The following FRY variants were observed in gnomAD, a reference collection of about 807,000 sequenced individuals.
FRY encodes protein furry homolog.
In FRY, 128 loss-of-function variants were observed where a neutral mutation model predicts 348.4. The observed-to-expected ratio is 0.37, with a 90% CI of 0.32 to 0.43. The LOEUF (loss-of-function observed/expected upper bound fraction) is 0.43, where lower values mean the gene tolerates loss of function less well. FRY is among the 20% of genes least tolerant of loss of function. FRY has a pLI of 1.00. For synonymous variants in FRY, 1,370 were observed against 1,374.7 expected, an observed-to-expected ratio of 1.00 and a Z score of 0.08; for missense variants, 2,736 against 3,695.2, an observed-to-expected ratio of 0.74 and a Z score of 6.73.
intron 7 of FRY, among the ~76,000 whole-genome samples, chr13:32,130,601 AGCTTT>A (rs1566087577): frequency 6.6e-6 from 1 of 151,828 alleles, no homozygotes; most frequent in Non-Finnish European, 1.5e-5. Context: ...GCTTTCTCTT[AGCTTT>A]AAGATCTGTT....
At chr13:32,082,076 CAGG>C (rs1488144663) in intron 2 of FRY, among the ~76,000 whole-genome samples, 1 of 152,100 alleles carries the variant, frequency 6.6e-6, no homozygotes, top group African/African-American at 2.4e-5. Context: ...GGGGACTACT[CAGG>C]AATCTGTATT....
Position 32,258,486 on chromosome 13 carries a change from G to A in FRY, c.7417-3130G>A, listed in dbSNP as rs143240039. 2.5e-3 allele frequency among the ~76,000 whole-genome samples: 380 copies of A among 152,080 alleles called. 11 individuals are homozygous for A. In the East Asian group the frequency reaches 0.051, roughly 20 times the overall value. On this transcript the variant is annotated intron_variant, in intron 51 of 60. Transcript: ENST00000542859. Reference sequence around the variant, plus strand: ...AAATTAGCCATGCCTGGAGGTGCACGCCTGTAATCCCAGCTACCTGGGAGG... The same window carrying A: ...AAATTAGCCATGCCTGGAGGTGCACACCTGTAATCCCAGCTACCTGGGAGG...
intron 1 of FRY, among the ~76,000 whole-genome samples, chr13:32,068,557 G>A (rs1874402229): frequency 1.3e-5 from 2 of 152,158 alleles, no homozygotes; most frequent in African/African-American, 2.4e-5. Flanking sequence ...CATTTATAAA[G>A]GAAATCACTG....
At chr13:32,124,577 G>A (rs1240144155) in intron 5 of FRY, 25 bp from the exon 6 acceptor site, 6 of 1,413,414 alleles carry the variant, frequency 4.2e-6, no homozygotes, top group Middle Eastern at 2.3e-4. Flanking sequence ...TCCCTTCTGA[G>A]TTAAGAACCA....
chr13:32,269,388 C>T (rs1368472303), intron 55 of FRY, among the ~76,000 whole-genome samples: 1 of 152,094 alleles, frequency 6.6e-6, no homozygotes, highest in Non-Finnish European at 1.5e-5. Context: ...TGCTTAGTAA[C>T]CCTTAAGAAT....
At chr13:32,213,713 T>C (rs1449436897) in intron 35 of FRY, among the ~76,000 whole-genome samples, 1 of 152,224 alleles carries the variant, frequency 6.6e-6, no homozygotes, top group African/African-American at 2.4e-5. Context: ...TTTGTCTGAG[T>C]TTCCTGTCTG....
At chr13:32,175,288 C>CT (rs1407885684) in intron 19 of FRY, among the ~76,000 whole-genome samples, 1 of 152,148 alleles carries the variant, frequency 6.6e-6, no homozygotes, top group Non-Finnish European at 1.5e-5. Flanking sequence ...ATGTATGAGT[C>CT]TGAAATTCAG....
rs1336821460 is a variant in FRY at position 32,202,658 on chromosome 13, T to TA, written c.4018+132dup. ...TTCTTTTTAAATTCTAGTTTAATTTTAGAGTTATGACCAGGCACGATGCCA... is the reference window on the plus strand; with the variant it reads ...TTCTTTTTAAATTCTAGTTTAATTTTAAGAGTTATGACCAGGCACGATGCCA... On this transcript the variant is annotated intron_variant, in intron 31 of 60. Coordinates refer to ENST00000542859, the MANE Select transcript of FRY (RefSeq NM_023037.3). 9.1e-6 allele frequency: 8 copies of TA among 877,730 alleles called. No homozygotes were observed. In the African/African-American group the frequency reaches 1.3e-4, roughly 15 times the overall value. The allele number at this position is 877,730 out of a possible 1,614,324, so 54.4% of individuals were successfully genotyped here.
In FRY at chr13:32,256,978, A is replaced by C. The variant is rs191255621; in HGVS notation, c.7416+2584A>C. ...GTCAAAACTTTGTTTCATGCACAAAATTATTTTAAAATTGTATAAAATTAT... is the reference window on the plus strand; with the variant it reads ...GTCAAAACTTTGTTTCATGCACAAACTTATTTTAAAATTGTATAAAATTAT... On this transcript the variant is annotated intron_variant, in intron 51 of 60. Transcript: ENST00000542859. Among the ~76,000 whole-genome samples the C allele has an allele frequency of 2.2e-3, 336 of 152,360 alleles. 1 individual carries two copies. The highest frequency in any genetic ancestry group is 7.6e-3 in the African/African-American group (318 of 41,580).
At chr13:32,115,321 C>G (rs972168298) in intron 3 of FRY, among the ~76,000 whole-genome samples, 1 of 152,152 alleles carries the variant, frequency 6.6e-6, no homozygotes, top group Non-Finnish European at 1.5e-5. Flanking sequence ...CTAAGGATTT[C>G]CATTTCTTCT....
At chr13:32,254,420 AT>A in intron 51 of FRY, 26 bp downstream of exon 51, 1 of 1,590,978 alleles carries the variant, frequency 6.3e-7, no homozygotes, top group Non-Finnish European at 8.6e-7. Context: ...TGTAAAAATA[AT>A]CCCCGCACCC....
chr13:32,215,405 ATT>A (rs1884933092), intron 35 of FRY, among the ~76,000 whole-genome samples: 1 of 152,198 alleles, frequency 6.6e-6, no homozygotes, highest in Non-Finnish European at 1.5e-5. Flanking sequence ...ATGTACATCT[ATT>A]GTGTATTAAT....
chr13:32,177,839 T>C (rs1882462024), intron 20 of FRY, among the ~76,000 whole-genome samples: 1 of 152,228 alleles, frequency 6.6e-6, no homozygotes. Context: ...ACTGAATCCA[T>C]GTTTCAGTTT....
chr13:32,142,911 G>A (rs1227579263), intron 11 of FRY, among the ~76,000 whole-genome samples: 1 of 152,228 alleles, frequency 6.6e-6, no homozygotes, highest in South Asian at 2.1e-4. Context: ...CTAGAAAACA[G>A]AGAGCAGGGG....
chr13:32,102,988 A>G (rs1290747508), intron 3 of FRY, among the ~76,000 whole-genome samples: 1 of 152,210 alleles, frequency 6.6e-6, no homozygotes, highest in Non-Finnish European at 1.5e-5. Flanking sequence ...TTAATATGAA[A>G]TCCAGAGGAA....
At chr13:32,180,572 T>A (rs983837742) in intron 23 of FRY, among the ~76,000 whole-genome samples, 1 of 152,150 alleles carries the variant, frequency 6.6e-6, no homozygotes, top group East Asian at 1.9e-4. Context: ...TTTGCCTTAA[T>A]GTAACCATAT....
Position 32,231,189 on chromosome 13 carries a change from C to A in FRY, c.5416C>A (p.Pro1806Thr), listed in dbSNP as rs1253750008. The change falls in exon 41 of 61, where the codon CCA becomes ACA. Residue 1806 changes from proline to threonine, a missense_variant. This residue lies in a region of FRY where 794 missense variants were observed against 977.0 expected (regional missense o/e 0.81). Coordinates refer to ENST00000542859, the MANE Select transcript of FRY (RefSeq NM_023037.3). ...IEFLTTRAFG[P>T]LWCHEDITPK... The stretch of plus-strand genomic sequence containing the variant: ...TGTGTTTTGTTTAAGGGCATTTGGT[C>A]CACTTTGGTGCCATGAAGACATCAC... 2 of 1,613,358 alleles carry A rather than the reference C, an allele frequency of 1.2e-6. No individual in the cohort carries two copies. The highest frequency in any genetic ancestry group is 2.2e-5 in the East Asian group (1 of 44,876).
chr13:32,103,853 G>A (rs1203528253), intron 3 of FRY, among the ~76,000 whole-genome samples: 1 of 152,026 alleles, frequency 6.6e-6, no homozygotes, highest in Non-Finnish European at 1.5e-5. Context: ...TGTGGTCCCA[G>A]CTATTCAGGA....
At chr13:32,270,103 C>G (rs956083925) in intron 55 of FRY, among the ~76,000 whole-genome samples, 1 of 151,998 alleles carries the variant, frequency 6.6e-6, no homozygotes, top group Non-Finnish European at 1.5e-5. Flanking sequence ...AAACATTAAA[C>G]CAGATTGAAA....
Sources: gnomAD v4.1 joint callset for allele counts (sites outside exome capture counted in the v4.1 genomes callset) on GRCh38, gnomAD v4.1.1 for gene constraint, gnomAD v4.1.1 regional missense constraint, MANE v1.5 for transcripts, NCBI Gene and HGNC (gene_info 2026-07-23, HGNC 2026-07-21) for gene names.